Variants in ZBBX observed in about 807,000 individuals in gnomAD.
ZBBX encodes zinc finger B-box domain-containing protein 1.
In ZBBX, 101 loss-of-function variants were observed where a neutral mutation model predicts 108.5. The observed-to-expected ratio is 0.93, with a 90% CI of 0.79 to 1.10. The LOEUF (loss-of-function observed/expected upper bound fraction) is 1.10. Ranked by LOEUF, ZBBX falls within the 50% of genes least tolerant of loss-of-function variation. The probability of loss-of-function intolerance (pLI) is 0.00; values close to 1 mark genes in which losing one functional copy is unlikely to be tolerated. For synonymous variants in ZBBX, 356 were observed against 323.4 expected, an observed-to-expected ratio of 1.10 and a Z score of -1.08; for missense variants, 1,009 against 941.4, an observed-to-expected ratio of 1.07 and a Z score of -0.94.
intron 15 of ZBBX, among the ~76,000 whole-genome samples, chr3:167,314,971 T>C (rs925560088): frequency 6.6e-6 from 1 of 152,160 alleles, no homozygotes; most frequent in Non-Finnish European, 1.5e-5. Flanking sequence ...AAAACCCCAC[T>C]TCCAAAAGCA....
intron 20 of ZBBX, among the ~76,000 whole-genome samples, chr3:167,277,631 C>G (rs2108504100): frequency 6.6e-6 from 1 of 152,206 alleles, no homozygotes; most frequent in Non-Finnish European, 1.5e-5. Context: ...GAGACTTAGA[C>G]TCCCACACAT....
At chr3:167,317,427 G>T in intron 13 of ZBBX, 61 bp downstream of exon 13, 1 of 1,253,884 alleles carries the variant, frequency 8.0e-7, no homozygotes, top group African/African-American at 1.5e-5. Flanking sequence ...TCTGATTAAT[G>T]CTTAGTGTAT....
chr3:167,348,367 A>G lies in ZBBX; in HGVS notation c.528+2053T>C, dbSNP rs570557874. ...AAGAAAGAAAGAAAGAAAGAAAGAA[A>G]GAAAAAAAAGAAAAGAAAAGAAGAA... is the stretch of plus-strand genomic sequence containing the variant. On this transcript the variant is annotated intron_variant, in intron 9 of 21. Transcript: ENST00000675490. Among the ~76,000 whole-genome samples, 4 of 148,750 alleles carry G rather than the reference A, an allele frequency of 2.7e-5. No homozygotes were observed. In the East Asian group the frequency reaches 7.8e-4, roughly 29 times the overall value.
intron 20 of ZBBX, among the ~76,000 whole-genome samples, chr3:167,242,914 A>C (rs1192974105): frequency 7.5e-6 from 1 of 134,096 alleles, no homozygotes; most frequent in Non-Finnish European, 1.6e-5. Context: ...AGACCTCATA[A>C]AATTTCAAAA....
At chr3:167,393,176 G>A (rs1004001098) in intron 1 of ZBBX, among the ~76,000 whole-genome samples, 4 of 151,814 alleles carry the variant, frequency 2.6e-5, no homozygotes, top group African/African-American at 9.7e-5. Flanking sequence ...TTGCAGCAAA[G>A]TCTAGCTATA....
chr3:167,288,499 A>G (rs1730112128), intron 19 of ZBBX, among the ~76,000 whole-genome samples: 1 of 152,214 alleles, frequency 6.6e-6, no homozygotes, highest in Admixed American at 6.5e-5. Flanking sequence ...CATAATATAT[A>G]TCAAGTGAAA....
At chr3:167,391,062 C>G (rs189510944) in intron 1 of ZBBX, among the ~76,000 whole-genome samples, 1 of 151,988 alleles carries the variant, frequency 6.6e-6, no homozygotes, top group East Asian at 1.9e-4. Context: ...TGTCTTGTGC[C>G]GGTTTTCAAA....
At chr3:167,199,959 A>G in the ZBBX span, among the ~76,000 whole-genome samples, 2 of 152,136 alleles carry the variant, frequency 1.3e-5, no homozygotes, top group African/African-American at 2.4e-5. Flanking sequence ...TTTCTACAGA[A>G]GGATCCTTCC....
At chr3:167,324,113 T>A (rs12488909) in intron 11 of ZBBX, among the ~76,000 whole-genome samples, 54,872 of 151,954 alleles carry the variant, frequency 0.36, 10,395 homozygotes, top group Non-Finnish European at 0.42. Flanking sequence ...TCTCACAATA[T>A]TAAATGTTAG....
chr3:167,256,494 A>C (rs1395368860), intron 20 of ZBBX, among the ~76,000 whole-genome samples: 1 of 151,936 alleles, frequency 6.6e-6, no homozygotes, highest in Non-Finnish European at 1.5e-5. Context: ...TAAAATGTAC[A>C]ATTAAAGTTA....
At chr3:167,339,185 A>T (rs749352638) in intron 9 of ZBBX, among the ~76,000 whole-genome samples, 5 of 152,080 alleles carry the variant, frequency 3.3e-5, no homozygotes, top group Non-Finnish European at 7.4e-5. Flanking sequence ...CTTTCTTACA[A>T]CTAAAGCCAA....
At chr3:167,315,077 G>A (rs886077349) in intron 15 of ZBBX, among the ~76,000 whole-genome samples, 4 of 152,070 alleles carry the variant, frequency 2.6e-5, no homozygotes, top group Non-Finnish European at 5.9e-5. Context: ...AAATGTGGAC[G>A]GGGGCCTAAA....
the ZBBX span, among the ~76,000 whole-genome samples, chr3:167,185,207 C>T: frequency 6.6e-6 from 1 of 152,124 alleles, no homozygotes; most frequent in Admixed American, 6.5e-5. Flanking sequence ...GAAAAAAATA[C>T]TAATACATGC....
intron 8 of ZBBX, 52 bp downstream of exon 8, chr3:167,359,818 C>A: frequency 1.1e-6 from 1 of 902,962 alleles, no homozygotes; most frequent in South Asian, 3.2e-5. Context: ...ATTCTAACTG[C>A]TTAATATACC....
chr3:167,297,915 T>C (rs905822223), intron 18 of ZBBX, among the ~76,000 whole-genome samples: 1 of 151,998 alleles, frequency 6.6e-6, no homozygotes, highest in African/African-American at 2.4e-5. Context: ...GTCAAGAATA[T>C]GTAATAATCG....
At chr3:167,260,148 T>A (rs982657468) in intron 20 of ZBBX, among the ~76,000 whole-genome samples, 4 of 152,182 alleles carry the variant, frequency 2.6e-5, no homozygotes, top group Non-Finnish European at 5.9e-5. Flanking sequence ...TTGAGAAGGC[T>A]GAAGATAGGG....
At chr3:167,369,488 T>C (rs1440749424) in intron 4 of ZBBX, among the ~76,000 whole-genome samples, 1 of 152,148 alleles carries the variant, frequency 6.6e-6, no homozygotes, top group Non-Finnish European at 1.5e-5. Flanking sequence ...CAGAAAGTGA[T>C]AGGAAGGGCT....
chr3:167,404,017 G>C (rs1748505541), intron 1 of ZBBX, among the ~76,000 whole-genome samples: 2 of 152,038 alleles, frequency 1.3e-5, no homozygotes, highest in East Asian at 3.9e-4. Flanking sequence ...AATATTGTCA[G>C]AGGCGAAAAA....
intron 1 of ZBBX, among the ~76,000 whole-genome samples, chr3:167,394,078 C>A (rs1295037731): frequency 6.6e-6 from 1 of 151,848 alleles, no homozygotes; most frequent in Non-Finnish European, 1.5e-5. Context: ...TCTTCCAATT[C>A]TTTCTCTATT....
Sources: allele counts gnomAD v4.1 joint callset (sites outside exome capture counted in the v4.1 genomes callset), GRCh38; gene constraint gnomAD v4.1.1; transcripts MANE v1.5; gene names NCBI Gene and HGNC (gene_info 2026-07-23, HGNC 2026-07-21).